Variants in DAPK2 observed in about 807,000 individuals in gnomAD.
DAPK2 encodes the protein death-associated protein kinase 2.
In DAPK2, 35 loss-of-function variants were observed where a neutral mutation model predicts 44.1. The ratio of observed to expected loss-of-function variants is 0.79; its 90% confidence interval spans 0.61 to 1.05. The LOEUF is 1.05. DAPK2 is among the 50% of genes least tolerant of loss of function. The pLI, the probability that DAPK2 is intolerant of heterozygous loss-of-function variation, is 0.00. For missense variants in DAPK2, 453 were observed against 483.2 expected (o/e 0.94, Z 0.59); for synonymous variants, 174 against 182.6 (o/e 0.95, Z 0.38).
intron 3 of DAPK2, among the ~76,000 whole-genome samples, chr15:63,946,466 G>A (rs1567224610): frequency 6.6e-6 from 1 of 152,244 alleles, no homozygotes; most frequent in Non-Finnish European, 1.5e-5. Flanking sequence ...TAAAATGGGG[G>A]CAAAACCTAC....
At chr15:64,017,135 T>C (rs753451976) in intron 1 of DAPK2, among the ~76,000 whole-genome samples, 40 of 152,156 alleles carry the variant, frequency 2.6e-4, no homozygotes, top group Non-Finnish European at 5.4e-4. Context: ...CTTTTCTTAC[T>C]TGCCTTCAAG....
At chr15:63,909,670 T>TA (rs925216021) in intron 10 of DAPK2, 1 of 152,000 alleles carries the variant, frequency 6.6e-6, no homozygotes, top group African/African-American at 2.4e-5. Flanking sequence ...GGCATGGTGG[T>TA]GCAAGCCTGT....
intron 1 of DAPK2, among the ~76,000 whole-genome samples, chr15:63,987,607 A>T (rs1264156995): frequency 6.6e-6 from 1 of 152,166 alleles, no homozygotes; most frequent in Non-Finnish European, 1.5e-5. Flanking sequence ...ATCTGCTATC[A>T]AAGTTTCATG....
intron 1 of DAPK2, among the ~76,000 whole-genome samples, chr15:64,039,165 C>G (rs2080290278): frequency 6.6e-6 from 1 of 152,212 alleles, no homozygotes; most frequent in South Asian, 2.1e-4. Context: ...CATGCGTCCT[C>G]AATCTTGACA....
upstream of DAPK2, among the ~76,000 whole-genome samples, chr15:64,044,368 T>A (rs2080413141): frequency 6.6e-6 from 1 of 152,222 alleles, no homozygotes; most frequent in African/African-American, 2.4e-5. Flanking sequence ...TTTTTAGAAC[T>A]GCTTCAGGAT....
intron 1 of DAPK2, among the ~76,000 whole-genome samples, chr15:64,000,926 C>A (rs1354915381): frequency 6.6e-6 from 1 of 152,020 alleles, no homozygotes; most frequent in Non-Finnish European, 1.5e-5. Flanking sequence ...GTCACCGAGG[C>A]TGGAGTGCAA....
At position 63,908,715 on chromosome 15, in the gene DAPK2, G is replaced by A; in HGVS notation, c.1033-115C>T. 1 of 819,132 alleles carries A rather than the reference G, an allele frequency of 1.2e-6. No homozygotes were observed. Among genetic ancestry groups the A allele is most frequent in the Non-Finnish European group, 1.8e-6 (1 of 555,046 alleles). The allele number at this position is 819,132 out of a possible 1,614,324, so 50.7% of individuals were successfully genotyped here. A position where few individuals can be genotyped will look rare whatever the true frequency, so the allele number is the denominator to read the frequency against. ...CTGGACCACGGGACTACAAGCCAGGGAGGTGGGTGGTGAAAGCAAGCCTGC... is the reference window on the plus strand; with the variant it reads ...CTGGACCACGGGACTACAAGCCAGGAAGGTGGGTGGTGAAAGCAAGCCTGC... On this transcript the variant is annotated intron_variant, in intron 10 of 10. Transcript: ENST00000261891. The surrounding 1 kb of genome is among the most constrained non-coding windows in gnomAD (Gnocchi z 5.7).
At chr15:63,941,866 G>T (rs1019309717) in intron 3 of DAPK2, among the ~76,000 whole-genome samples, 6 of 152,140 alleles carry the variant, frequency 3.9e-5, no homozygotes, top group African/African-American at 1.4e-4. Flanking sequence ...CCAGCCCACT[G>T]GGGGCTGCCC....
At chr15:63,947,030 G>T (rs563973261) in intron 3 of DAPK2, among the ~76,000 whole-genome samples, 3 of 149,276 alleles carry the variant, frequency 2.0e-5, no homozygotes, top group African/African-American at 7.4e-5. Context: ...TGCCCAATAC[G>T]TGCCTCTGTG....
rs1321711813 is a variant in DAPK2 at position 64,001,731 on chromosome 15, T to A, written c.93-17977A>T. ...GAAGCTTGTCAGAAAAGTGGAATCT[T>A]AGATTTCATCTCAGCACTACTGAAT... On this transcript the variant is annotated intron_variant, in intron 1 of 10. Transcript: ENST00000261891. Among the ~76,000 whole-genome samples, 7 of 152,210 alleles carry A rather than the reference T, an allele frequency of 4.6e-5. No individual in the cohort carries two copies. In the East Asian group the frequency reaches 7.7e-4, roughly 17 times the overall value.
intron 1 of DAPK2, among the ~76,000 whole-genome samples, chr15:64,036,974 A>G (rs955677569): frequency 6.6e-6 from 1 of 152,160 alleles, no homozygotes; most frequent in Non-Finnish European, 1.5e-5. Flanking sequence ...CAGCTCTGAG[A>G]GGGATTCCTG....
chr15:63,939,062 A>G lies in DAPK2; in HGVS notation c.583+170T>C, dbSNP rs1467236837. Among the ~76,000 whole-genome samples the G allele has an allele frequency of 1.3e-5, 2 of 152,118 alleles. No individual in the cohort carries two copies. Among genetic ancestry groups the G allele is most frequent in the Non-Finnish European group, 2.9e-5 (2 of 68,016 alleles). On this transcript the variant is annotated intron_variant, in intron 4 of 10. Coordinates refer to ENST00000261891, the Ensembl canonical transcript of DAPK2. This position sits in a 1 kb window ranked among gnomAD's most constrained non-coding sequence, Gnocchi z 4.3. ...ACTCAAAGCCTACACCTGGGCCCTCATCCCCAGGCCCAATAAGACATTTCC... is the reference window on the plus strand; with the variant it reads ...ACTCAAAGCCTACACCTGGGCCCTCGTCCCCAGGCCCAATAAGACATTTCC...
At chr15:63,924,598 A>G (rs1158123468) in intron 8 of DAPK2, 1 of 535,296 alleles carries the variant, frequency 1.9e-6, no homozygotes, top group Non-Finnish European at 3.3e-6. Flanking sequence ...TTCATAAGTT[A>G]CCTGAATTTG....
At chr15:64,016,385 G>A (rs1009526101) in intron 1 of DAPK2, among the ~76,000 whole-genome samples, 4 of 152,228 alleles carry the variant, frequency 2.6e-5, no homozygotes, top group African/African-American at 9.7e-5. Flanking sequence ...AAGAGACATG[G>A]ATTTTAATCC....
rs2078045322 is a variant in DAPK2, at chr15:63,966,028, TG to T, written c.453+5394del. Among the ~76,000 whole-genome samples, 1 of 152,236 alleles carries T rather than the reference TG, an allele frequency of 6.6e-6. No homozygotes were observed. Among genetic ancestry groups the T allele is most frequent in the Non-Finnish European group, 1.5e-5 (1 of 68,036 alleles). On this transcript the variant is annotated intron_variant, in intron 3 of 10. Transcript: ENST00000261891. The surrounding 1 kb of genome is among the most constrained non-coding windows in gnomAD (Gnocchi z 5.5). ...TTCCTCTTTCCATAGCCACCACAGC[TG>T]GGAATGTGCTGGGTCACACCTGAAG...
chr15:63,941,524 G>A (rs1302165452), intron 3 of DAPK2, among the ~76,000 whole-genome samples: 1 of 152,218 alleles, frequency 6.6e-6, no homozygotes, highest in Non-Finnish European at 1.5e-5. Flanking sequence ...AATCTGGACA[G>A]ATGCCTTCTC....
chr15:64,046,111 A>G lies in DAPK2; in HGVS notation c.-7+187T>C, dbSNP rs2080455348. Reference sequence around the variant, plus strand: ...AGGGCGCCCCAGGGCAGCGGCGGGCAGCTCCCGCGCTCGGGTGCCGGCCAC... The same window carrying G: ...AGGGCGCCCCAGGGCAGCGGCGGGCGGCTCCCGCGCTCGGGTGCCGGCCAC... On this transcript the variant is annotated intron_variant, in intron 1 of 11. Transcript: ENST00000457488. This position sits in a 1 kb window ranked among gnomAD's most constrained non-coding sequence, Gnocchi z 5.3. 6.6e-6 allele frequency among the ~76,000 whole-genome samples: 1 copy of G among 151,946 alleles called. No individual in the cohort carries two copies. The highest frequency in any genetic ancestry group is 1.5e-5 in the Non-Finnish European group (1 of 67,936).
chr15:63,972,080 T>A (rs1380551717), intron 2 of DAPK2, among the ~76,000 whole-genome samples: 1 of 152,222 alleles, frequency 6.6e-6, no homozygotes, highest in Non-Finnish European at 1.5e-5. Flanking sequence ...CCTTGCACTA[T>A]GTGAAGTTAC....
At chr15:64,036,093 T>C (rs1228311965) in intron 1 of DAPK2, among the ~76,000 whole-genome samples, 1 of 151,378 alleles carries the variant, frequency 6.6e-6, no homozygotes, top group Non-Finnish European at 1.5e-5. Flanking sequence ...AAACCCCATA[T>C]CTACTAAAAA....
Sources: allele counts gnomAD v4.1 joint callset (sites outside exome capture counted in the v4.1 genomes callset), GRCh38; gene constraint gnomAD v4.1.1; non-coding constraint Gnocchi (gnomAD v3.1); transcripts MANE v1.5; gene names NCBI Gene and HGNC (gene_info 2026-07-23, HGNC 2026-07-21).